The following RPTOR variants were observed in gnomAD, a reference collection of about 807,000 sequenced individuals.
The protein encoded by RPTOR is regulatory associated protein of MTOR complex 1, also known as regulatory-associated protein of mTOR.
RPTOR carries 21 observed loss-of-function variants against 169.9 expected under a neutral mutation model. The ratio of observed to expected loss-of-function variants is 0.12; its 90% CI spans 0.09 to 0.18. The LOEUF is 0.18. RPTOR is among the 10% of genes least tolerant of loss of function. The pLI is 1.00. For missense variants in RPTOR, 1,133 were observed against 1,855.9 expected, an observed-to-expected ratio of 0.61 and a Z score of 7.16; for synonymous variants, 732 against 753.2, an observed-to-expected ratio of 0.97 and a Z score of 0.46.
intron 4 of RPTOR, among the ~76,000 whole-genome samples, chr17:80,724,656 C>G (rs1284561282): frequency 6.6e-6 from 1 of 152,194 alleles, no homozygotes; most frequent in African/African-American, 2.4e-5. Context: ...CTCATCACAT[C>G]TACCTGCTCA....
intron 1 of RPTOR, among the ~76,000 whole-genome samples, chr17:80,614,630 G>A (rs919174602): frequency 1.3e-5 from 2 of 152,116 alleles, no homozygotes; most frequent in Admixed American, 6.5e-5. Context: ...AAAATATTTC[G>A]GGCAATTAGA....
rs929712680 is a variant in RPTOR, at chr17:80,959,038, C to T, written c.3478-1040C>T. On this transcript the variant is annotated intron_variant, in intron 29 of 33. Transcript: ENST00000306801. This position sits in a 1 kb window ranked among gnomAD's most constrained non-coding sequence, Gnocchi z 6.7. ...GGCTCAGCCCTGCTGCCGTAGAGGG[C>T]GGTGTGGAGCAGGCCCAGCAGAGGG... Among the ~76,000 whole-genome samples, 2 of 152,338 alleles carry T rather than the reference C, an allele frequency of 1.3e-5. No homozygotes were observed. The highest frequency in any genetic ancestry group is 3.4e-3 in the Middle Eastern group (1 of 294).
intron 3 of RPTOR, among the ~76,000 whole-genome samples, chr17:80,670,868 G>A (rs918825380): frequency 8.6e-5 from 13 of 151,754 alleles, no homozygotes; most frequent in Admixed American, 5.3e-4. Context: ...GGGTCTCCTC[G>A]GTCAGGGGAA....
intron 6 of RPTOR, among the ~76,000 whole-genome samples, chr17:80,769,153 A>G (rs1159894251): frequency 6.6e-6 from 1 of 152,134 alleles, no homozygotes; most frequent in African/African-American, 2.4e-5. Flanking sequence ...GGAGGGTGGC[A>G]TGGTGTCCCA....
intron 1 of RPTOR, among the ~76,000 whole-genome samples, chr17:80,567,803 A>AAAAT (rs199905629): frequency 0.3 from 44,969 of 148,364 alleles, 7,884 homozygotes; most frequent in South Asian, 0.43. Flanking sequence ...AAAAATAAAT[A>AAAAT]AAATAAATAA....
At chr17:80,595,823 A>T (rs1347948418) in intron 1 of RPTOR, among the ~76,000 whole-genome samples, 1 of 152,068 alleles carries the variant, frequency 6.6e-6, no homozygotes, top group Non-Finnish European at 1.5e-5. Flanking sequence ...TTTGGTTTTG[A>T]TATTTTCACT....
At position 80,965,317 on chromosome 17, in the gene RPTOR, T is replaced by C. The variant is rs74001171; in HGVS notation, c.*987T>C. ...GCTCTGTCCCCACACGTTCCTCACA[T>C]ACAGGCAAGAGGCACTGCCGGGTCC... is the stretch of plus-strand genomic sequence containing the variant. On this transcript the variant is annotated 3_prime_UTR_variant, in exon 34 of 34. Transcript: ENST00000306801. 8.5e-3 allele frequency: 1,992 copies of C among 233,216 alleles called. 41 individuals are homozygous for C. The highest frequency in any genetic ancestry group is 0.04 in the African/African-American group (1,829 of 45,438). 14.4% of individuals were successfully genotyped at this position (233,216 alleles called of 1,614,324 possible).
intron 4 of RPTOR, among the ~76,000 whole-genome samples, chr17:80,711,946 G>A (rs756980575): frequency 1.3e-5 from 2 of 151,932 alleles, no homozygotes. Context: ...GTTTCACCAT[G>A]TTGGCCAGGC....
At chr17:80,665,469 TTTCC>T (rs2065766182) in intron 3 of RPTOR, among the ~76,000 whole-genome samples, 5 of 37,808 alleles carry the variant, frequency 1.3e-4, no homozygotes, top group African/African-American at 1.0e-3. Flanking sequence ...TTTCCTTTCC[TTTCC>T]TTTCCTTTCC....
At chr17:80,729,949 G>A (rs1255381208) in intron 4 of RPTOR, among the ~76,000 whole-genome samples, 1 of 152,196 alleles carries the variant, frequency 6.6e-6, no homozygotes, top group African/African-American at 2.4e-5. Context: ...GGGAGGTCCC[G>A]CAGTGAAAAC....
intron 23 of RPTOR, 110 bp from the exon 24 acceptor site, chr17:80,925,260 G>A (rs1345843617): frequency 1.5e-5 from 13 of 849,660 alleles, no homozygotes; most frequent in East Asian, 2.6e-5. Context: ...GGGGCAGCCC[G>A]GTGCTCCCGG....
At chr17:80,711,742 G>GTTTTTTTTTTTTTTTTTTTTTTTT (rs1298623680) in intron 4 of RPTOR, among the ~76,000 whole-genome samples, 2 of 51,402 alleles carry the variant, frequency 3.9e-5, no homozygotes, top group African/African-American at 3.7e-4. Context: ...TTATACATCA[G>GTTTTTTTTTTTTTTTTTTTTTTTT]TCTTTTTTTT....
chr17:80,681,945 A>T (rs748774744), intron 3 of RPTOR, among the ~76,000 whole-genome samples: 11 of 152,140 alleles, frequency 7.2e-5, no homozygotes, highest in Admixed American at 2.0e-4. Flanking sequence ...GTATTAGAAT[A>T]TTGGTAAATG....
rs933159693 is a variant in RPTOR at position 80,707,103 on chromosome 17, C to T, written c.349-738C>T. ...CAGGGTTAAGGGCCCAGGCAGGAGGCGGAGGGAGGAGCTTTCAGCAGGGCG... is the reference window on the plus strand; with the variant it reads ...CAGGGTTAAGGGCCCAGGCAGGAGGTGGAGGGAGGAGCTTTCAGCAGGGCG... On this transcript the variant is annotated intron_variant, in intron 3 of 33. Coordinates refer to ENST00000306801, the MANE Select transcript of RPTOR (RefSeq NM_020761.3). This position sits in a 1 kb window ranked among gnomAD's most constrained non-coding sequence, Gnocchi z 5.0. Among the ~76,000 whole-genome samples, 4 of 152,134 alleles carry T rather than the reference C, an allele frequency of 2.6e-5. No homozygotes were observed. The highest frequency in any genetic ancestry group is 2.9e-5 in the Non-Finnish European group (2 of 68,032).
chr17:80,834,649 C>T (rs1164070940), intron 9 of RPTOR, among the ~76,000 whole-genome samples: 1 of 152,242 alleles, frequency 6.6e-6, no homozygotes, highest in Non-Finnish European at 1.5e-5. Flanking sequence ...AGATTGTCAC[C>T]CGTGGCTCTG....
intron 10 of RPTOR, among the ~76,000 whole-genome samples, chr17:80,841,255 ACCGCACCGCAG>A (rs1260369693): frequency 1.4e-5 from 1 of 70,374 alleles, no homozygotes; most frequent in Non-Finnish European, 2.7e-5. Flanking sequence ...GCTCACTCTC[ACCGCACCGCAG>A]CTCACTCTCA....
chr17:80,743,713 TCCTGGCTACGAGCACAGC>T (rs1320730503), intron 5 of RPTOR, among the ~76,000 whole-genome samples: 2 of 68,622 alleles, frequency 2.9e-5, no homozygotes, highest in African/African-American at 7.6e-5. Flanking sequence ...ACTAGCACTG[TCCTGGCTACGAGCACAGC>T]CCTGGCTACT....
At chr17:80,882,101 G>A (rs2068191974) in intron 14 of RPTOR, among the ~76,000 whole-genome samples, 1 of 152,198 alleles carries the variant, frequency 6.6e-6, no homozygotes, top group African/African-American at 2.4e-5. Context: ...GCCAAGAAGA[G>A]AATTCATGAA....
intron 2 of RPTOR, among the ~76,000 whole-genome samples, chr17:80,626,178 T>G (rs62068339): frequency 0.13 from 19,465 of 151,946 alleles, 1,827 homozygotes; most frequent in African/African-American, 0.27. Flanking sequence ...TCAGCCTCCT[T>G]AGTAGCTGGG....
Sources: gnomAD v4.1 joint callset for allele counts (sites outside exome capture counted in the v4.1 genomes callset) on GRCh38, gnomAD v4.1.1 for gene constraint, Gnocchi (gnomAD v3.1) non-coding constraint, MANE v1.5 for transcripts, NCBI Gene and HGNC (gene_info 2026-07-23, HGNC 2026-07-21) for gene names.